Variants in CSMD1 observed in about 807,000 individuals in gnomAD.
CSMD1 encodes CUB and sushi domain-containing protein 1.
A neutral mutation model predicts 417.5 loss-of-function variants in CSMD1; 213 were observed. That is an observed-to-expected ratio of 0.51 (90% CI 0.46 to 0.57). The LOEUF (loss-of-function observed/expected upper bound fraction) is 0.57, where lower values mean the gene tolerates loss of function less well. Ranked by LOEUF, CSMD1 falls within the 20% of genes least tolerant of loss-of-function variation. The pLI is 0.00. For missense variants in CSMD1, 6,923 were observed against 4,529.7 expected (o/e 1.53, Z -15.17); for synonymous variants, 2,862 against 1,736.8 (o/e 1.65, Z -16.11).
At chr8:3,727,024 T>C (rs1042739102) in intron 6 of CSMD1, among the ~76,000 whole-genome samples, 2 of 152,212 alleles carry the variant, frequency 1.3e-5, no homozygotes, top group East Asian at 3.8e-4. Flanking sequence ...TTGCATTTAT[T>C]TTCTCTTAGT....
chr8:4,504,689 G>T (rs899963725), intron 2 of CSMD1, among the ~76,000 whole-genome samples: 1 of 152,058 alleles, frequency 6.6e-6, no homozygotes, highest in Non-Finnish European at 1.5e-5. Flanking sequence ...GTATCCATGT[G>T]TTCTCATTGT....
chr8:2,965,524 A>C (rs1223347991), intron 59 of CSMD1, among the ~76,000 whole-genome samples: 2 of 152,176 alleles, frequency 1.3e-5, no homozygotes, highest in African/African-American at 4.8e-5. Flanking sequence ...ACCGTCACTG[A>C]ACCCCGACAT....
intron 5 of CSMD1, among the ~76,000 whole-genome samples, chr8:3,791,385 C>G (rs971467250): frequency 2.0e-5 from 3 of 152,184 alleles, no homozygotes; most frequent in African/African-American, 7.2e-5. Flanking sequence ...GAAAATCTTT[C>G]AAAGCTCTTT....
intron 5 of CSMD1, among the ~76,000 whole-genome samples, chr8:3,802,222 A>G (rs1212972939): frequency 6.6e-6 from 1 of 152,180 alleles, no homozygotes; most frequent in Non-Finnish European, 1.5e-5. Flanking sequence ...TAAATTCTTA[A>G]AAATATACAT....
chr8:3,637,753 T>C (rs962016265), intron 7 of CSMD1, among the ~76,000 whole-genome samples: 1 of 152,144 alleles, frequency 6.6e-6, no homozygotes, highest in Non-Finnish European at 1.5e-5. Flanking sequence ...CCAAATCTCA[T>C]CTTGAATTGT....
chr8:4,849,916 A>G (rs1317760058), intron 1 of CSMD1, among the ~76,000 whole-genome samples: 1 of 152,174 alleles, frequency 6.6e-6, no homozygotes, highest in African/African-American at 2.4e-5. Flanking sequence ...CGATTATATT[A>G]TGATGCTATG....
intron 10 of CSMD1, among the ~76,000 whole-genome samples, chr8:3,521,703 G>C (rs1159881479): frequency 6.6e-6 from 1 of 152,326 alleles, no homozygotes; most frequent in South Asian, 2.1e-4. Context: ...ACCATGACCA[G>C]AATTTTCTTA....
At chr8:4,864,263 A>C (rs940660022) in intron 1 of CSMD1, among the ~76,000 whole-genome samples, 2 of 151,994 alleles carry the variant, frequency 1.3e-5, no homozygotes, top group African/African-American at 4.8e-5. Context: ...TGAGAAATAC[A>C]TACCTACACA....
chr8:3,310,486 C>T (rs1426377831), intron 23 of CSMD1, among the ~76,000 whole-genome samples: 1 of 152,152 alleles, frequency 6.6e-6, no homozygotes, highest in Non-Finnish European at 1.5e-5. Context: ...TTGGAGTCCA[C>T]CTCCCTATTA....
intron 5 of CSMD1, among the ~76,000 whole-genome samples, chr8:3,878,838 T>C (rs1459059654): frequency 6.6e-6 from 1 of 152,190 alleles, no homozygotes; most frequent in Admixed American, 6.5e-5. Flanking sequence ...TCTTATCAAG[T>C]GTGTCCTGGA....
intron 49 of CSMD1, among the ~76,000 whole-genome samples, chr8:3,068,926 T>G (rs1813139064): frequency 6.6e-6 from 1 of 151,976 alleles, no homozygotes; most frequent in Non-Finnish European, 1.5e-5. Context: ...CTCATATCCT[T>G]CTCATATTGC....
chr8:3,893,339 T>TTATCTATATATATATATATATATA, intron 5 of CSMD1, among the ~76,000 whole-genome samples: 1 of 80,460 alleles, frequency 1.2e-5, no homozygotes, highest in Middle Eastern at 8.3e-3. Context: ...ATTCACAATT[T>TTATCTATATATATATATATATATA]TATATATATA....
At chr8:4,001,661 T>C (rs1309127198) in intron 4 of CSMD1, among the ~76,000 whole-genome samples, 3 of 152,140 alleles carry the variant, frequency 2.0e-5, no homozygotes, top group Non-Finnish European at 2.9e-5. Context: ...ACACTTACTA[T>C]CTACATTTTC....
In CSMD1 at chr8:3,132,545, G is replaced by A. The variant is rs1048526010; in HGVS notation, c.6241+9920C>T. Among the ~76,000 whole-genome samples, 11 of 152,060 alleles carry A rather than the reference G, an allele frequency of 7.2e-5. 1 individual carries two copies. Among genetic ancestry groups the A allele is most frequent in the African/African-American group, 2.4e-4 (10 of 41,400 alleles). ...CTCATCAGTTCTAGATAGTGTTGGG[G>A]CTCAGGACACCACCCCAAAATATGA... On this transcript the variant is annotated intron_variant, in intron 41 of 69. Transcript: ENST00000635120.
intron 5 of CSMD1, among the ~76,000 whole-genome samples, chr8:3,853,746 C>T (rs1042831339): frequency 6.6e-6 from 1 of 151,676 alleles, no homozygotes; most frequent in Non-Finnish European, 1.5e-5. Context: ...GGAAGGACAG[C>T]ATTAGGAGAT....
intron 26 of CSMD1, among the ~76,000 whole-genome samples, chr8:3,252,048 C>G (rs974967192): frequency 6.2e-4 from 95 of 152,254 alleles, no homozygotes; most frequent in African/African-American, 2.2e-3. Context: ...TAATTGAATA[C>G]CTTTTATTTC....
chr8:3,374,686 A>G (rs1218183881), intron 18 of CSMD1, among the ~76,000 whole-genome samples: 1 of 152,204 alleles, frequency 6.6e-6, no homozygotes, highest in African/African-American at 2.4e-5. Context: ...AAGCAACCCT[A>G]TGGTAGCAGG....
chr8:3,578,612 T>C (rs570232843), intron 9 of CSMD1, among the ~76,000 whole-genome samples: 3 of 152,320 alleles, frequency 2.0e-5, no homozygotes, highest in African/African-American at 4.8e-5. Context: ...CTCAGAAACA[T>C]AGACGTATGA....
At chr8:4,348,062 A>ACCAGGCAAAAACAAACCAGTGGC (rs1800875757) in intron 3 of CSMD1, among the ~76,000 whole-genome samples, 1 of 152,148 alleles carries the variant, frequency 6.6e-6, no homozygotes, top group Non-Finnish European at 1.5e-5. Context: ...TCCAAAATAC[A>ACCAGGCAAAAACAAACCAGTGGC]CCAGGCAAAA....
Sources: gnomAD v4.1 joint callset for allele counts (sites outside exome capture counted in the v4.1 genomes callset) on GRCh38, gnomAD v4.1.1 for gene constraint, MANE v1.5 for transcripts, NCBI Gene and HGNC (gene_info 2026-07-23, HGNC 2026-07-21) for gene names.